ADGRB3: variants seen among roughly 807,000 people sequenced by gnomAD.
ADGRB3 encodes brain-specific angiogenesis inhibitor 3.
ADGRB3 carries 37 observed loss-of-function variants against 193.4 expected under a neutral mutation model. The observed-to-expected ratio is 0.19, with a 90% CI of 0.15 to 0.25. The LOEUF is 0.25. ADGRB3 is among the 10% of genes least tolerant of loss of function. ADGRB3 has a pLI of 1.00. For synonymous variants in ADGRB3, 690 were observed against 644.2 expected (o/e 1.07, Z -1.08); for missense variants, 1,637 against 1,852.9 (o/e 0.88, Z 2.14).
At position 68,828,921 on chromosome 6, in the gene ADGRB3, A is replaced by G. The variant is rs1393029088; in HGVS notation, c.758-101638A>G. On this transcript the variant is annotated intron_variant, in intron 3 of 31. Coordinates refer to ENST00000370598, the MANE Select transcript of ADGRB3 (RefSeq NM_001704.3). ...ATGAGACAGAAATATAAAATAGCAT[A>G]TTAATTTTCACAGAAGGAAATTAGC... 2.0e-5 allele frequency among the ~76,000 whole-genome samples: 3 copies of G among 152,102 alleles called. No individual in the cohort carries two copies. In the East Asian group the frequency reaches 5.8e-4, roughly 29 times the overall value.
intron 13 of ADGRB3, among the ~76,000 whole-genome samples, chr6:69,029,950 A>G (rs1047382645): frequency 1.0e-4 from 15 of 145,416 alleles, no homozygotes; most frequent in Admixed American, 5.6e-4. Context: ...CAACAAACAT[A>G]TATATATATA....
At chr6:69,351,301 G>A (rs939057088) in intron 26 of ADGRB3, among the ~76,000 whole-genome samples, 5 of 150,978 alleles carry the variant, frequency 3.3e-5, no homozygotes, top group South Asian at 2.1e-4. Flanking sequence ...TGCCATGTTC[G>A]CCAGGCTGGT....
intron 3 of ADGRB3, among the ~76,000 whole-genome samples, chr6:68,812,920 T>A (rs12193995): frequency 0.16 from 24,895 of 151,048 alleles, 2,727 homozygotes; most frequent in Middle Eastern, 0.27. Flanking sequence ...TGAGAACATG[T>A]GGTATTTGGT....
chr6:68,825,750 T>C (rs768250735), intron 3 of ADGRB3, among the ~76,000 whole-genome samples: 6 of 152,216 alleles, frequency 3.9e-5, no homozygotes, highest in Non-Finnish European at 8.8e-5. Flanking sequence ...ACTGGGCACT[T>C]CTTCCTCCTG....
rs573991097 is a variant in ADGRB3, at chr6:69,364,504, G to C, written c.4239+2992G>C. Reference sequence around the variant, plus strand: ...GATATAAAAAGTTCAATAAATTCATGAAGTTTCTTGGCATAAAAACATATC... The same window carrying C: ...GATATAAAAAGTTCAATAAATTCATCAAGTTTCTTGGCATAAAAACATATC... On this transcript the variant is annotated intron_variant, in intron 29 of 31. Coordinates refer to ENST00000370598, the MANE Select transcript of ADGRB3 (RefSeq NM_001704.3). Among the ~76,000 whole-genome samples, 11 of 152,186 alleles carry C rather than the reference G, an allele frequency of 7.2e-5. No individual in the cohort carries two copies. In the South Asian group the frequency reaches 2.3e-3, roughly 32 times the overall value.
chr6:69,019,425 G>C (rs1019794926), intron 13 of ADGRB3, among the ~76,000 whole-genome samples: 1 of 152,008 alleles, frequency 6.6e-6, no homozygotes, highest in African/African-American at 2.4e-5. Flanking sequence ...GGGAAGTTCA[G>C]CTGGTAGAGA....
At chr6:69,190,226 G>T (rs1365011074) in intron 17 of ADGRB3, among the ~76,000 whole-genome samples, 1 of 152,098 alleles carries the variant, frequency 6.6e-6, no homozygotes, top group Non-Finnish European at 1.5e-5. Context: ...AGAGGATATT[G>T]TATAGGAGAT....
chr6:68,872,425 C>T (rs1562065580), intron 3 of ADGRB3, among the ~76,000 whole-genome samples: 1 of 151,890 alleles, frequency 6.6e-6, no homozygotes, highest in East Asian at 1.9e-4. Context: ...GAGGAAAAAA[C>T]AACTAAAAGT....
intron 17 of ADGRB3, among the ~76,000 whole-genome samples, chr6:69,110,711 C>T (rs1221986629): frequency 4.6e-5 from 7 of 152,086 alleles, no homozygotes; most frequent in African/African-American, 1.4e-4. Context: ...CCATCAGAAG[C>T]GGTGAAGTAT....
At chr6:68,861,062 G>A (rs1765138891) in intron 3 of ADGRB3, among the ~76,000 whole-genome samples, 1 of 152,116 alleles carries the variant, frequency 6.6e-6, no homozygotes, top group African/African-American at 2.4e-5. Flanking sequence ...CATGGACCCT[G>A]GAGAGAGTCT....
At chr6:69,085,133 C>T (rs1489559293) in intron 17 of ADGRB3, among the ~76,000 whole-genome samples, 1 of 152,114 alleles carries the variant, frequency 6.6e-6, no homozygotes, top group Non-Finnish European at 1.5e-5. Flanking sequence ...TCCTACGTGT[C>T]ATAGGAAGCT....
chr6:69,318,395 G>T (rs532879182), intron 20 of ADGRB3, among the ~76,000 whole-genome samples: 3 of 151,300 alleles, frequency 2.0e-5, no homozygotes, highest in Non-Finnish European at 4.4e-5. Flanking sequence ...GGTCATTTTT[G>T]ATGTTGAGTC....
At position 69,235,082 on chromosome 6, in the gene ADGRB3, T is replaced by A; in HGVS notation, c.2658T>A (p.Gly886=). 6.2e-7 allele frequency: 1 copy of A among 1,613,328 alleles called. No individual in the cohort carries two copies. The highest frequency in any genetic ancestry group is 8.5e-7 in the Non-Finnish European group (1 of 1,179,382). The change falls in exon 19 of 32, where the codon GGT becomes GGA. Residue 886 remains glycine (G), a synonymous_variant. Coordinates refer to ENST00000370598, the MANE Select transcript of ADGRB3 (RefSeq NM_001704.3). The part of the protein sequence containing the change: ...TPSVTLIVGS[G]LSCLALITLA... ...CAGTTACCCTAATAGTAGGCAGTGG[T>A]CTTTCTTGCTTGGCCTTGATTACCC...
chr6:69,227,383 C>G (rs1161340062), intron 17 of ADGRB3, among the ~76,000 whole-genome samples: 1 of 152,064 alleles, frequency 6.6e-6, no homozygotes, highest in Non-Finnish European at 1.5e-5. Context: ...TCAGAAAAAC[C>G]ATTGATAGTT....
chr6:68,948,232 AT>A (rs1767824829), intron 6 of ADGRB3, among the ~76,000 whole-genome samples: 1 of 152,138 alleles, frequency 6.6e-6, no homozygotes, highest in Non-Finnish European at 1.5e-5. Context: ...GTGTCATCGT[AT>A]GCTACTGATG....
intron 3 of ADGRB3, among the ~76,000 whole-genome samples, chr6:68,843,625 T>G (rs1768207289): frequency 1.3e-5 from 2 of 151,656 alleles, no homozygotes; most frequent in Admixed American, 6.6e-5. Flanking sequence ...CAAAGTGATC[T>G]GTGTCAAAAT....
chr6:69,311,539 C>G (rs1768192277), intron 20 of ADGRB3, among the ~76,000 whole-genome samples: 1 of 151,814 alleles, frequency 6.6e-6, no homozygotes, highest in Non-Finnish European at 1.5e-5. Context: ...CTCACAGGTA[C>G]TCAAACCTCT....
chr6:68,811,852 TAGAG>T (rs1206491761), intron 3 of ADGRB3, among the ~76,000 whole-genome samples: 1 of 152,106 alleles, frequency 6.6e-6, no homozygotes, highest in Non-Finnish European at 1.5e-5. Context: ...TGTCATATGA[TAGAG>T]AGATATAGAT....
intron 26 of ADGRB3, among the ~76,000 whole-genome samples, chr6:69,352,737 G>A (rs1013024868): frequency 2.0e-5 from 3 of 152,306 alleles, no homozygotes; most frequent in African/African-American, 7.2e-5. Flanking sequence ...GAGAGGACAA[G>A]GAGGAAGCTA....
Sources: allele counts gnomAD v4.1 joint callset (sites outside exome capture counted in the v4.1 genomes callset), GRCh38; gene constraint gnomAD v4.1.1; transcripts MANE v1.5; gene names NCBI Gene and HGNC (gene_info 2026-07-23, HGNC 2026-07-21).